Variants in KLHL2 observed in about 807,000 individuals in gnomAD.
KLHL2 encodes the protein kelch-like protein 2.
KLHL2 carries 15 observed loss-of-function variants against 75.8 expected under a neutral mutation model. The observed-to-expected ratio is 0.20, with a 90% CI of 0.13 to 0.30. The LOEUF (loss-of-function observed/expected upper bound fraction) is 0.30, where lower values mean the gene tolerates loss of function less well. Ranked by LOEUF, KLHL2 falls within the 10% of genes least tolerant of loss-of-function variation. The probability of loss-of-function intolerance (pLI) is 1.00; values close to 1 mark genes in which losing one functional copy is unlikely to be tolerated. For synonymous variants in KLHL2, 214 were observed against 251.9 expected, an observed-to-expected ratio of 0.85 and a Z score of 1.42; for missense variants, 381 against 741.0, an observed-to-expected ratio of 0.51 and a Z score of 5.64.
chr4:165,244,228 CAT>C (rs1298019360), intron 4 of KLHL2, among the ~76,000 whole-genome samples: 1 of 152,188 alleles, frequency 6.6e-6, no homozygotes, highest in Non-Finnish European at 1.5e-5. Flanking sequence ...ACTTAGTTTT[CAT>C]AGAAAGAGCT....
chr4:165,265,563 G>T (rs1485084393), intron 5 of KLHL2, among the ~76,000 whole-genome samples: 1 of 151,948 alleles, frequency 6.6e-6, no homozygotes, highest in Non-Finnish European at 1.5e-5. Context: ...TATGGTGAGA[G>T]ATAGGGATCT....
intron 5 of KLHL2, chr4:165,278,022 T>C (rs1560796590): frequency 2.0e-6 from 3 of 1,477,406 alleles, no homozygotes; most frequent in African/African-American, 2.8e-5. Flanking sequence ...CCGATTAACA[T>C]TGCCATGCTA....
chr4:165,244,812 A>T (rs2111132986), intron 4 of KLHL2, among the ~76,000 whole-genome samples: 1 of 152,330 alleles, frequency 6.6e-6, no homozygotes, highest in East Asian at 1.9e-4. Flanking sequence ...GGCTAGGCGT[A>T]GGAGCACTGA....
rs184796348 is a variant in KLHL2 at position 165,262,779 on chromosome 4, A to G, written c.382-418A>G. Among the ~76,000 whole-genome samples, 6 of 152,184 alleles carry G rather than the reference A, an allele frequency of 3.9e-5. No homozygotes were observed. In the East Asian group the frequency reaches 7.7e-4, roughly 20 times the overall value. The stretch of plus-strand genomic sequence containing the variant: ...TTTTTTGTAGAGATGAGGTCTTGCT[A>G]TGTTGCCCAGCCTGGTCTCAAACTT... On this transcript the variant is annotated intron_variant, in intron 4 of 14. Transcript: ENST00000226725.
chr4:165,260,070 A>G (rs1380653133), intron 4 of KLHL2, among the ~76,000 whole-genome samples: 3 of 152,166 alleles, frequency 2.0e-5, no homozygotes, highest in Non-Finnish European at 4.4e-5. Context: ...ATGTGGCCCC[A>G]GCTGTTTTCC....
rs1252282741 is a variant in KLHL2 at position 165,322,451 on chromosome 4, GT to G, written c.*392del. 6.2e-6 allele frequency: 1 copy of G among 161,056 alleles called. No individual in the cohort carries two copies. The highest frequency in any genetic ancestry group is 1.3e-5 in the Non-Finnish European group (1 of 74,078). The allele number at this position is 161,056 out of a possible 1,614,324, so 10.0% of individuals were successfully genotyped here. On this transcript the variant is annotated 3_prime_UTR_variant, in exon 15 of 15. Transcript: ENST00000226725. ...TTATCTTTATTTCTTCTAAAAATCTGTATACCAGGAACTGAAAATCTTTGAA... is the reference window on the plus strand; with the variant it reads ...TTATCTTTATTTCTTCTAAAAATCTGATACCAGGAACTGAAAATCTTTGAA...
At chr4:165,313,891 A>G (rs1746402666) in intron 12 of KLHL2, 135 bp from the exon 13 acceptor site, 5 of 729,668 alleles carry the variant, frequency 6.9e-6, no homozygotes, top group Non-Finnish European at 1.1e-5. Context: ...CTTAAATTGT[A>G]GGCTATAGTA....
At chr4:165,262,486 A>C (rs1394495078) in intron 4 of KLHL2, among the ~76,000 whole-genome samples, 1 of 152,216 alleles carries the variant, frequency 6.6e-6, no homozygotes, top group Non-Finnish European at 1.5e-5. Context: ...AGATAACTGA[A>C]GTGCATGACT....
At chr4:165,227,853 A>G (rs1314480308) in intron 2 of KLHL2, among the ~76,000 whole-genome samples, 3 of 152,034 alleles carry the variant, frequency 2.0e-5, no homozygotes, top group East Asian at 1.9e-4. Context: ...AAAATTAGAG[A>G]TATAATAATT....
chr4:165,284,635 C>T (rs1451970395), intron 5 of KLHL2, among the ~76,000 whole-genome samples: 1 of 152,208 alleles, frequency 6.6e-6, no homozygotes, highest in East Asian at 1.9e-4. Context: ...TCTGAGCTCT[C>T]CAAACTGTTC....
At chr4:165,249,063 G>T (rs961186324) in intron 4 of KLHL2, among the ~76,000 whole-genome samples, 1 of 152,190 alleles carries the variant, frequency 6.6e-6, no homozygotes, top group Non-Finnish European at 1.5e-5. Flanking sequence ...TGGTAATCCA[G>T]AAAGTATACT....
rs148053820 is a variant in KLHL2, at chr4:165,300,468, A to G, written c.921+812A>G. ...ACCATTTGATGGTTCCCTGCACATC[A>G]TATGTAGCCATTTCAGCATACATTC... On this transcript the variant is annotated intron_variant, in intron 8 of 14. Transcript: ENST00000226725. 3.3e-3 allele frequency among the ~76,000 whole-genome samples: 500 copies of G among 152,282 alleles called. 24 individuals are homozygous for G. In the East Asian group the frequency reaches 0.078, roughly 24 times the overall value.
intron 1 of KLHL2, among the ~76,000 whole-genome samples, chr4:165,216,332 G>A (rs1236327221): frequency 6.6e-6 from 1 of 152,168 alleles, no homozygotes; most frequent in Non-Finnish European, 1.5e-5. Flanking sequence ...AGTACACTGG[G>A]ATCCAAACCC....
At chr4:165,216,000 T>C (rs1258706110) in intron 1 of KLHL2, among the ~76,000 whole-genome samples, 1 of 152,174 alleles carries the variant, frequency 6.6e-6, no homozygotes, top group Non-Finnish European at 1.5e-5. Flanking sequence ...CTGATCTTTC[T>C]CTTTCACGCT....
At chr4:165,269,093 GT>G (rs1742473997) in intron 5 of KLHL2, among the ~76,000 whole-genome samples, 1 of 151,972 alleles carries the variant, frequency 6.6e-6, no homozygotes, top group Admixed American at 6.6e-5. Context: ...TTTGATCTTT[GT>G]TGGTTTAAAG....
intron 3 of KLHL2, among the ~76,000 whole-genome samples, chr4:165,232,542 G>T (rs1579002647): frequency 1.3e-5 from 2 of 152,134 alleles, no homozygotes; most frequent in East Asian, 3.9e-4. Context: ...ACCAGCCTGG[G>T]AGAAATAGGG....
intron 5 of KLHL2, among the ~76,000 whole-genome samples, chr4:165,274,578 C>T (rs1473845542): frequency 2.0e-5 from 3 of 148,778 alleles, no homozygotes; most frequent in African/African-American, 7.5e-5. Context: ...CACTGCACTC[C>T]AGCCTGGGTG....
intron 5 of KLHL2, among the ~76,000 whole-genome samples, chr4:165,289,007 G>T (rs181614601): frequency 1.3e-5 from 2 of 152,190 alleles, no homozygotes; most frequent in East Asian, 3.9e-4. Flanking sequence ...AAAATAACAG[G>T]TGAGCTGCAC....
At chr4:165,248,476 C>T (rs1331956075) in intron 4 of KLHL2, among the ~76,000 whole-genome samples, 1 of 152,006 alleles carries the variant, frequency 6.6e-6, no homozygotes, top group Non-Finnish European at 1.5e-5. Flanking sequence ...GTTAGATAGT[C>T]CCAATGAGGA....
Sources: allele counts gnomAD v4.1 joint callset (sites outside exome capture counted in the v4.1 genomes callset), GRCh38; gene constraint gnomAD v4.1.1; transcripts MANE v1.5; gene names NCBI Gene and HGNC (gene_info 2026-07-23, HGNC 2026-07-21).